KCNIP1: variants seen among roughly 807,000 people sequenced by gnomAD.
KCNIP1 encodes potassium voltage-gated channel interacting protein 1.
Under a neutral mutation model 33.0 loss-of-function variants are expected in KCNIP1, and 18 were observed. The observed-to-expected ratio is 0.55, with a 90% confidence interval of 0.38 to 0.81. The LOEUF is 0.81. Among genes scored for constraint, KCNIP1 ranks in the 30% least tolerant of loss-of-function variants. The probability of loss-of-function intolerance (pLI) is 0.00; values close to 1 mark genes in which losing one functional copy is unlikely to be tolerated. For synonymous variants in KCNIP1, 93 were observed against 98.3 expected (o/e 0.95, Z 0.32); for missense variants, 238 against 271.6 (o/e 0.88, Z 0.87).
chr5:170,398,621 T>A (rs1326067222), intron 1 of KCNIP1, among the ~76,000 whole-genome samples: 1 of 152,236 alleles, frequency 6.6e-6, no homozygotes, highest in Admixed American at 6.5e-5. Flanking sequence ...CAAATTGTGA[T>A]CAGGAATAAA....
At position 170,598,544 on chromosome 5, in the gene KCNIP1, A is replaced by C. The variant is rs185280900; in HGVS notation, c.61+93911A>C. On this transcript the variant is annotated intron_variant, in intron 1 of 7. Transcript: ENST00000328939. ...TGAGTATAGAAGCAAACCCCCAGAA[A>C]AAAGCAAGTGGAAAAAGCAAAGAAC... Among the ~76,000 whole-genome samples the C allele has an allele frequency of 5.9e-4, 90 of 152,300 alleles. 1 individual carries two copies. Among genetic ancestry groups the C allele is most frequent in the South Asian group, 1.9e-3 (9 of 4,818 alleles).
intron 1 of KCNIP1, among the ~76,000 whole-genome samples, chr5:170,380,713 C>T (rs111894562): frequency 0.027 from 4,054 of 152,296 alleles, 119 homozygotes; most frequent in African/African-American, 0.068. Flanking sequence ...CCTGAGCTGA[C>T]GGTGAGGGGG....
intron 1 of KCNIP1, among the ~76,000 whole-genome samples, chr5:170,532,201 T>G (rs1755812491): frequency 6.6e-6 from 1 of 152,230 alleles, no homozygotes; most frequent in Admixed American, 6.5e-5. Context: ...TCCACACACT[T>G]GGCTATACAA....
At chr5:170,511,461 C>T (rs1754928088) in intron 1 of KCNIP1, among the ~76,000 whole-genome samples, 1 of 152,172 alleles carries the variant, frequency 6.6e-6, no homozygotes, top group Non-Finnish European at 1.5e-5. Flanking sequence ...CTCTGAGATC[C>T]CGAGCCACCA....
chr5:170,412,190 G>C (rs1329592106), intron 1 of KCNIP1, among the ~76,000 whole-genome samples: 1 of 152,010 alleles, frequency 6.6e-6, no homozygotes, highest in Non-Finnish European at 1.5e-5. Context: ...ATACAGTTTA[G>C]TTGACTTGTG....
In KCNIP1 at chr5:170,504,646, C is replaced by A. The variant is rs376964244; in HGVS notation, c.61+13C>A. Reference sequence around the variant, plus strand: ...CGACCCTCGAAAGGTAAGCCACCTTCTTCCTTTTGTTCCCCTGTCTGGGCT... The same window carrying A: ...CGACCCTCGAAAGGTAAGCCACCTTATTCCTTTTGTTCCCCTGTCTGGGCT... On this transcript the variant is annotated intron_variant, in intron 1 of 7. Coordinates refer to ENST00000328939, the MANE Select transcript of KCNIP1 (RefSeq NM_014592.4). This position sits in a 1 kb window ranked among gnomAD's most constrained non-coding sequence, Gnocchi z 6.0. The A allele has an allele frequency of 6.2e-7, 1 of 1,609,378 alleles. No homozygotes were observed. The highest frequency in any genetic ancestry group is 1.7e-5 in the Admixed American group (1 of 60,016).
chr5:170,572,103 GGCT>G (rs2113489993), intron 1 of KCNIP1, among the ~76,000 whole-genome samples: 1 of 152,208 alleles, frequency 6.6e-6, no homozygotes, highest in East Asian at 1.9e-4. Context: ...TGTCTAAAGA[GGCT>G]GCTGCTTCTC....
At chr5:170,675,802 G>C (rs1457723125) in intron 1 of KCNIP1, among the ~76,000 whole-genome samples, 1 of 152,106 alleles carries the variant, frequency 6.6e-6, no homozygotes, top group East Asian at 1.9e-4. Flanking sequence ...CAGAAATAAT[G>C]CTGTATCCTA....
At chr5:170,655,194 T>C (rs909872544) in intron 1 of KCNIP1, among the ~76,000 whole-genome samples, 1 of 152,208 alleles carries the variant, frequency 6.6e-6, no homozygotes, top group African/African-American at 2.4e-5. Flanking sequence ...CTAATATTTT[T>C]CCCAATTTGT....
At chr5:170,727,003 G>T (rs1305132232) in intron 5 of KCNIP1, among the ~76,000 whole-genome samples, 2 of 152,166 alleles carry the variant, frequency 1.3e-5, no homozygotes, top group African/African-American at 2.4e-5. Context: ...CTTGTACAAA[G>T]ATGTTCATAG....
intron 1 of KCNIP1, among the ~76,000 whole-genome samples, chr5:170,639,865 G>A (rs1760469420): frequency 6.6e-6 from 1 of 152,206 alleles, no homozygotes; most frequent in South Asian, 2.1e-4. Flanking sequence ...ACATTATTTT[G>A]CATCACAGAG....
rs1757110245 is a variant in KCNIP1, at chr5:170,563,640, T to TTTTTGTTTG, written c.61+59010_61+59011insTGTTTGTTT. ...TAGTTTTAAGGTGTTTTGTTTTTTT[T>TTTTTGTTTG]TTTGTTTGTTTGTTTGTTTGAGACA... On this transcript the variant is annotated intron_variant, in intron 1 of 7. Coordinates refer to ENST00000328939, the MANE Select transcript of KCNIP1 (RefSeq NM_014592.4). Among the ~76,000 whole-genome samples, 3 of 139,278 alleles carry TTTTTGTTTG rather than the reference T, an allele frequency of 2.2e-5. No homozygotes were observed. In the South Asian group the frequency reaches 7.3e-4, roughly 34 times the overall value. 91.4% of individuals were successfully genotyped at this position (139,278 alleles called of 152,430 possible).
chr5:170,401,148 C>T (rs775629980), intron 1 of KCNIP1, among the ~76,000 whole-genome samples: 2 of 152,190 alleles, frequency 1.3e-5, no homozygotes, highest in Non-Finnish European at 2.9e-5. Context: ...TGAGCCAGGA[C>T]CTTGTGCCTG....
intron 1 of KCNIP1, among the ~76,000 whole-genome samples, chr5:170,593,052 C>T (rs1758319335): frequency 6.6e-6 from 1 of 151,762 alleles, no homozygotes; most frequent in South Asian, 2.1e-4. Context: ...TCGGAAGAAT[C>T]TGGACATACT....
chr5:170,605,977 G>A (rs1758899326), intron 1 of KCNIP1, among the ~76,000 whole-genome samples: 1 of 152,094 alleles, frequency 6.6e-6, no homozygotes, highest in Non-Finnish European at 1.5e-5. Flanking sequence ...GTTTTGCCAT[G>A]TTGGCCAGGC....
chr5:170,722,796 C>G lies in KCNIP1; in HGVS notation c.411C>G (p.Asn137Lys), dbSNP rs781158774. Residue 137 changes from asparagine (N) to lysine (K), a missense_variant, in exon 5 of 8, where the codon AAC becomes AAG. Transcript: ENST00000328939. ...LRWTFNLYDI[N>K]KDGYINKEEM... Reference sequence around the variant, plus strand: ...GGACATTTAATTTGTATGACATCAACAAGGACGGATACATAAACAAAGAGG... The same window carrying G: ...GGACATTTAATTTGTATGACATCAAGAAGGACGGATACATAAACAAAGAGG... The G allele has an allele frequency of 1.9e-6, 3 of 1,612,872 alleles. No homozygotes were observed. The highest frequency in any genetic ancestry group is 1.7e-6 in the Non-Finnish European group (2 of 1,178,908).
intron 1 of KCNIP1, among the ~76,000 whole-genome samples, chr5:170,399,406 A>G (rs965375744): frequency 2.0e-5 from 3 of 152,246 alleles, no homozygotes; most frequent in Non-Finnish European, 2.9e-5. Context: ...TTATTAAACC[A>G]GAGGCCTGGT....
At chr5:170,518,516 T>G (rs995954575) in intron 1 of KCNIP1, among the ~76,000 whole-genome samples, 2 of 152,188 alleles carry the variant, frequency 1.3e-5, no homozygotes, top group African/African-American at 4.8e-5. Flanking sequence ...ATTTGTGAAA[T>G]GAAGGGATGA....
chr5:170,534,395 G>A (rs80301240), intron 1 of KCNIP1, among the ~76,000 whole-genome samples: 1 of 152,174 alleles, frequency 6.6e-6, no homozygotes, highest in Admixed American at 6.5e-5. Context: ...GTGGTAAGCA[G>A]TGATTGCACC....
Sources: allele counts gnomAD v4.1 joint callset (sites outside exome capture counted in the v4.1 genomes callset), GRCh38; gene constraint gnomAD v4.1.1; non-coding constraint Gnocchi (gnomAD v3.1); transcripts MANE v1.5; gene names NCBI Gene and HGNC (gene_info 2026-07-23, HGNC 2026-07-21).